The following NEGR1 variants were observed in gnomAD, a reference collection of about 807,000 sequenced individuals.
The protein encoded by NEGR1 is IgLON family member 4.
Under a neutral mutation model 40.9 loss-of-function variants are expected in NEGR1, and 10 were observed. The ratio of observed to expected loss-of-function variants is 0.24; its 90% CI spans 0.15 to 0.42. NEGR1 has a LOEUF of 0.42. NEGR1 is among the 10% of genes least tolerant of loss of function. The probability of loss-of-function intolerance (pLI) is 1.00; values close to 1 mark genes in which losing one functional copy is unlikely to be tolerated. For missense variants in NEGR1, 352 were observed against 438.9 expected (o/e 0.80, Z 1.77); for synonymous variants, 185 against 166.8 (o/e 1.11, Z -0.84).
At chr1:72,115,573 T>C (rs1462786663) in intron 1 of NEGR1, among the ~76,000 whole-genome samples, 1 of 151,770 alleles carries the variant, frequency 6.6e-6, no homozygotes, top group Admixed American at 6.6e-5. Context: ...AGAACAGACA[T>C]GAGTACTTTG....
chr1:72,123,289 GTAGA>G (rs1208494649), intron 1 of NEGR1, among the ~76,000 whole-genome samples: 4 of 151,646 alleles, frequency 2.6e-5, no homozygotes, highest in Non-Finnish European at 5.9e-5. Flanking sequence ...TAAATGTATA[GTAGA>G]TAATCTTGAC....
At chr1:72,282,178 A>G (rs1047547352) in intron 1 of NEGR1, 141 bp downstream of exon 1, 17 of 1,014,676 alleles carry the variant, frequency 1.7e-5, no homozygotes, top group Non-Finnish European at 2.1e-5. Flanking sequence ...AAGAATCTGC[A>G]CCTGGAATTC....
chr1:72,118,405 C>CCT (rs1401330150), intron 1 of NEGR1, among the ~76,000 whole-genome samples: 1 of 151,796 alleles, frequency 6.6e-6, no homozygotes, highest in Non-Finnish European at 1.5e-5. Context: ...AAGACTCCAG[C>CCT]AGTGACTGAG....
chr1:71,917,947 G>A (rs1222504538), intron 2 of NEGR1, among the ~76,000 whole-genome samples: 2 of 151,078 alleles, frequency 1.3e-5, no homozygotes, highest in Non-Finnish European at 2.9e-5. Context: ...GCCTGGCGTG[G>A]TGGCTCAGGC....
chr1:72,205,805 G>A (rs1457405329), intron 1 of NEGR1, among the ~76,000 whole-genome samples: 1 of 149,082 alleles, frequency 6.7e-6, no homozygotes, highest in Non-Finnish European at 1.5e-5. Flanking sequence ...AGTCAGGCAT[G>A]GTGGTGCAAG....
At chr1:72,013,473 T>G (rs576261398) in intron 1 of NEGR1, among the ~76,000 whole-genome samples, 1 of 152,214 alleles carries the variant, frequency 6.6e-6, no homozygotes, top group Non-Finnish European at 1.5e-5. Context: ...GGTAAAATAT[T>G]CTGGTTTTCT....
chr1:71,612,478 C>A (rs1650294787), intron 4 of NEGR1, among the ~76,000 whole-genome samples: 1 of 152,000 alleles, frequency 6.6e-6, no homozygotes, highest in Non-Finnish European at 1.5e-5. Context: ...AGGAACAAAG[C>A]AGTAAATTGC....
intron 2 of NEGR1, among the ~76,000 whole-genome samples, chr1:71,916,126 G>A (rs556072216): frequency 6.6e-6 from 1 of 152,186 alleles, no homozygotes; most frequent in South Asian, 2.1e-4. Context: ...AGCAGGGAGT[G>A]GGGGTTTCCC....
chr1:71,964,398 G>T (rs1453713993), intron 1 of NEGR1, among the ~76,000 whole-genome samples: 3 of 152,124 alleles, frequency 2.0e-5, no homozygotes, highest in Non-Finnish European at 2.9e-5. Flanking sequence ...CTCCTCTCAG[G>T]ATGTTTGTTT....
chr1:72,129,937 G>T (rs1650179297), intron 1 of NEGR1, among the ~76,000 whole-genome samples: 1 of 152,092 alleles, frequency 6.6e-6, no homozygotes, highest in Non-Finnish European at 1.5e-5. Context: ...CCAGATTAAA[G>T]TAATACACTG....
intron 1 of NEGR1, among the ~76,000 whole-genome samples, chr1:72,154,024 TAA>T (rs1266878966): frequency 6.6e-6 from 1 of 151,724 alleles, no homozygotes; most frequent in Non-Finnish European, 1.5e-5. Flanking sequence ...AATTGACAAA[TAA>T]AAGAGTGTTG....
At chr1:72,115,202 T>TAC (rs1649536497) in intron 1 of NEGR1, among the ~76,000 whole-genome samples, 1 of 91,974 alleles carries the variant, frequency 1.1e-5, no homozygotes, top group African/African-American at 3.0e-5. Context: ...TGTGGTCTTT[T>TAC]ATATATATAT....
At chr1:71,702,742 A>AAC (rs71070897) in intron 3 of NEGR1, among the ~76,000 whole-genome samples, 2 of 151,196 alleles carry the variant, frequency 1.3e-5, no homozygotes, top group East Asian at 1.9e-4. Context: ...AAAAAAAAAA[A>AAC]CACTTTCAGA....
intron 6 of NEGR1, among the ~76,000 whole-genome samples, chr1:71,542,304 C>T (rs1382854020): frequency 6.6e-6 from 1 of 151,690 alleles, no homozygotes; most frequent in Non-Finnish European, 1.5e-5. Context: ...TATGCTCTGT[C>T]CAGGCTGGTG....
chr1:71,919,241 G>C (rs930845104), intron 2 of NEGR1, among the ~76,000 whole-genome samples: 1 of 151,910 alleles, frequency 6.6e-6, no homozygotes, highest in African/African-American at 2.4e-5. Context: ...TGCTGCTTCC[G>C]TCTTCCTCCA....
At chr1:72,062,642 G>C (rs1319300042) in intron 1 of NEGR1, among the ~76,000 whole-genome samples, 1 of 151,914 alleles carries the variant, frequency 6.6e-6, no homozygotes, top group Admixed American at 6.6e-5. Flanking sequence ...TCTTCCTATA[G>C]TCTGAGGGCT....
intron 2 of NEGR1, among the ~76,000 whole-genome samples, chr1:71,810,452 A>G (rs1657959259): frequency 6.6e-6 from 1 of 152,112 alleles, no homozygotes; most frequent in Admixed American, 6.6e-5. Flanking sequence ...ATAGAACTGA[A>G]AGAGTATTAA....
At chr1:71,586,136 T>C (rs1323218905) in intron 6 of NEGR1, among the ~76,000 whole-genome samples, 3 of 152,162 alleles carry the variant, frequency 2.0e-5, no homozygotes, top group African/African-American at 7.2e-5. Context: ...GATTCAAAGC[T>C]TTTGGTGTTC....
intron 1 of NEGR1, among the ~76,000 whole-genome samples, chr1:72,107,620 T>C (rs560219369): frequency 6.6e-6 from 1 of 151,666 alleles, no homozygotes; most frequent in African/African-American, 2.4e-5. Flanking sequence ...AAAACGAATC[T>C]TTCTTCTCAA....
Sources: gnomAD v4.1 joint callset for allele counts (sites outside exome capture counted in the v4.1 genomes callset) on GRCh38, gnomAD v4.1.1 for gene constraint, MANE v1.5 for transcripts, NCBI Gene and HGNC (gene_info 2026-07-23, HGNC 2026-07-21) for gene names.